The following DRC9 variants were observed in gnomAD, a reference collection of about 807,000 sequenced individuals.
The protein encoded by DRC9 is dynein regulatory complex subunit 9.
chr3:197,931,849 T>C, the DRC9 span, among the ~76,000 whole-genome samples: 1 of 151,972 alleles, frequency 6.6e-6, no homozygotes, highest in Non-Finnish European at 1.5e-5. Flanking sequence ...ATGGTCTTGA[T>C]CTCCTGACCT....
chr3:197,903,498 T>C, the DRC9 span, among the ~76,000 whole-genome samples: 14 of 152,106 alleles, frequency 9.2e-5, no homozygotes, highest in Non-Finnish European at 1.8e-4. Flanking sequence ...TAGCCGGGCA[T>C]GGCAGTGCAC....
chr3:197,929,023 G>C, the DRC9 span, among the ~76,000 whole-genome samples: 2 of 152,160 alleles, frequency 1.3e-5, no homozygotes, highest in African/African-American at 2.4e-5. The surrounding 1 kb of genome is among the most constrained non-coding windows in gnomAD (Gnocchi z 4.6). Context: ...TTCTCCTCTC[G>C]GGAGATCATG....
chr3:197,943,207 G>C, the DRC9 span, among the ~76,000 whole-genome samples: 1 of 152,152 alleles, frequency 6.6e-6, no homozygotes, highest in East Asian at 1.9e-4. Context: ...TACAAGTTGG[G>C]TGGGACAACT....
chr3:197,950,213 C>G, the DRC9 span: 12 of 1,231,458 alleles, frequency 9.7e-6, no homozygotes, highest in Admixed American at 4.2e-5. Flanking sequence ...CATCTTGGCT[C>G]CTGTGGAGGT....
chr3:197,943,967 G>A, the DRC9 span: 68 of 1,613,984 alleles, frequency 4.2e-5, no homozygotes, highest in East Asian at 6.0e-4. Context: ...CTTCTTCTAC[G>A]GTACTAGGTG....
the DRC9 span, among the ~76,000 whole-genome samples, chr3:197,937,814 C>G: frequency 6.6e-6 from 1 of 151,940 alleles, no homozygotes; most frequent in African/African-American, 2.4e-5. Flanking sequence ...GCCAGTGTGG[C>G]TGTAGTCCCA....
the DRC9 span, chr3:197,951,388 C>T: frequency 6.6e-7 from 1 of 1,506,990 alleles, no homozygotes; most frequent in South Asian, 1.1e-5. Flanking sequence ...GAGTCTTGCT[C>T]TGTTGCCGAG....
chr3:197,947,582 C>G, the DRC9 span, among the ~76,000 whole-genome samples: 1 of 152,206 alleles, frequency 6.6e-6, no homozygotes, highest in African/African-American at 2.4e-5. Context: ...ACTCTTCCCT[C>G]ACCTTTTCAC....
At chr3:197,896,466 A>G in the DRC9 span, among the ~76,000 whole-genome samples, 369 of 152,312 alleles carry the variant, frequency 2.4e-3, 2 homozygotes, top group Admixed American at 2.2e-3. Flanking sequence ...CAAGAAAAGA[A>G]GGAAACAAAA....
At chr3:197,912,907 AGAG>A in the DRC9 span, 4,663 of 666,906 alleles carry the variant, frequency 7.0e-3, 169 homozygotes, top group African/African-American at 0.074. Flanking sequence ...CCAACACTGC[AGAG>A]CCACGTGGCG....
the DRC9 span, chr3:197,906,282 G>A: frequency 6.6e-6 from 1 of 152,174 alleles, no homozygotes; most frequent in Non-Finnish European, 1.5e-5. Flanking sequence ...CTGAGACCGC[G>A]CAGGAGGATT....
At chr3:197,953,028 T>G in the DRC9 span, among the ~76,000 whole-genome samples, 1 of 151,932 alleles carries the variant, frequency 6.6e-6, no homozygotes, top group Non-Finnish European at 1.5e-5. Context: ...CTCGAACTCC[T>G]GACCTCGTGA....
chr3:197,943,716 A>T, the DRC9 span: 5 of 1,294,360 alleles, frequency 3.9e-6, no homozygotes, highest in Non-Finnish European at 4.4e-6. Context: ...TGGGATAGGT[A>T]CTATAAATGA....
chr3:197,889,677 T>TC, the DRC9 span: 1 of 1,614,072 alleles, frequency 6.2e-7, no homozygotes, highest in Non-Finnish European at 8.5e-7. Context: ...ACCACCAATT[T>TC]CTCTCCGTAT....
chr3:197,933,056 CAT>C, the DRC9 span, among the ~76,000 whole-genome samples: 5 of 73,090 alleles, frequency 6.8e-5, no homozygotes, highest in African/African-American at 2.6e-4. Context: ...ATATAAAATA[CAT>C]ATATTATACA....
At chr3:197,945,131 C>T in the DRC9 span, among the ~76,000 whole-genome samples, 34 of 152,228 alleles carry the variant, frequency 2.2e-4, 1 homozygote, top group Admixed American at 1.0e-3. Flanking sequence ...CAGAAGGTTA[C>T]GGTGGGGATG....
the DRC9 span, among the ~76,000 whole-genome samples, chr3:197,933,416 G>A: frequency 6.6e-6 from 1 of 151,942 alleles, no homozygotes; most frequent in African/African-American, 2.4e-5. Flanking sequence ...ACTCCAGCCT[G>A]GGCAACACAG....
At chr3:197,943,491 T>C in the DRC9 span, among the ~76,000 whole-genome samples, 2 of 151,968 alleles carry the variant, frequency 1.3e-5, no homozygotes, top group Non-Finnish European at 2.9e-5. Context: ...TATAAAAAAT[T>C]AGCTGGGTGT....
the DRC9 span, among the ~76,000 whole-genome samples, chr3:197,937,699 T>G: frequency 6.6e-6 from 1 of 152,002 alleles, no homozygotes; most frequent in African/African-American, 2.4e-5. Context: ...AGGCTGGTCT[T>G]GAACTCCTGA....
Sources: allele counts gnomAD v4.1 joint callset (sites outside exome capture counted in the v4.1 genomes callset), GRCh38; gene constraint gnomAD v4.1.1; non-coding constraint Gnocchi (gnomAD v3.1); transcripts MANE v1.5; gene names NCBI Gene and HGNC (gene_info 2026-07-23, HGNC 2026-07-21).